TACC3: variants seen among roughly 807,000 people sequenced by gnomAD.
TACC3 encodes transforming acidic coiled-coil containing protein 3, also known as transforming acidic coiled-coil-containing protein 3.
In TACC3, 52 loss-of-function variants were observed where a neutral mutation model predicts 86.0. The ratio of observed to expected loss-of-function variants is 0.60; its 90% CI spans 0.48 to 0.76. The LOEUF (loss-of-function observed/expected upper bound fraction) is 0.76, where lower values mean the gene tolerates loss of function less well. Ranked by LOEUF, TACC3 falls within the 30% of genes least tolerant of loss-of-function variation. TACC3 has a pLI of 0.00. For missense variants in TACC3, 1,120 were observed against 1,070.4 expected (o/e 1.05, Z -0.65); for synonymous variants, 512 against 430.0 (o/e 1.19, Z -2.36).
Position 1,723,592 on chromosome 4 carries a change from G to A in TACC3, c.162+9G>A. 1 of 1,611,734 alleles carries A rather than the reference G, an allele frequency of 6.2e-7. No individual in the cohort carries two copies. The highest frequency in any genetic ancestry group is 1.7e-4 in the Middle Eastern group (1 of 6,056). ...TGGCCAAAGCTATGAAGGTAAGTGT[G>A]ACCTGTACAGTGTGTGGCTGGCCAG... On this transcript the variant is annotated intron_variant, in intron 2 of 15. Transcript: ENST00000313288.
chr4:1,731,255 G>A lies in TACC3; in HGVS notation c.1545G>A (p.Gln515=). 3 of 1,613,394 alleles carry A rather than the reference G, an allele frequency of 1.9e-6. No individual in the cohort carries two copies. The highest frequency in any genetic ancestry group is 2.5e-6 in the Non-Finnish European group (3 of 1,180,016). Residue 515 remains glutamine (Q), a synonymous_variant, in exon 6 of 16, where the codon CAG becomes CAA. Coordinates refer to ENST00000313288, the MANE Select transcript of TACC3 (RefSeq NM_006342.3). ...SEPVPTHQQG[Q]PALELKEESF... is the part of the protein sequence containing the mutation. ...CAGTGCCCACCCATCAGCAGGGGCA[G>A]CCTGCCTTGGAGCTGAAAGAGGAGA...
chr4:1,744,852 C>G lies in TACC3; in HGVS notation c.2451+20C>G, dbSNP rs1166252609. 6.2e-7 allele frequency: 1 copy of G among 1,612,810 alleles called. No homozygotes were observed. Among genetic ancestry groups the G allele is most frequent in the African/African-American group, 1.3e-5 (1 of 74,944 alleles). ...CAGAAGGTGGGTGCGGGAAGCCCAG[C>G]TCAAGGGGCCGTCTGGCAGCACCTT... is the stretch of plus-strand genomic sequence containing the variant. On this transcript the variant is annotated intron_variant, in intron 15 of 15. Coordinates refer to ENST00000313288, the MANE Select transcript of TACC3 (RefSeq NM_006342.3).
chr4:1,720,751 C>T (rs757852590), upstream of TACC3: 3 of 1,582,564 alleles, frequency 1.9e-6, no homozygotes, highest in Non-Finnish European at 1.7e-6. The surrounding 1 kb of genome is among the most constrained non-coding windows in gnomAD (Gnocchi z 4.4). Context: ...CCGTGAGCCC[C>T]GCCGCGTGGA....
chr4:1,744,689 C>T, intron 14 of TACC3, 23 bp from the exon 15 acceptor site: 1 of 1,612,250 alleles, frequency 6.2e-7, no homozygotes, highest in African/African-American at 1.3e-5. Flanking sequence ...AGCTCAGCCT[C>T]TGCCCCGCCC....
chr4:1,729,222 G>A (rs545826594), intron 4 of TACC3, among the ~76,000 whole-genome samples: 3 of 152,262 alleles, frequency 2.0e-5, no homozygotes, highest in Admixed American at 2.0e-4. Context: ...AATGGTCTTA[G>A]GCTACATCTC....
At chr4:1,743,044 A>G (rs1312522231) in intron 13 of TACC3, among the ~76,000 whole-genome samples, 1 of 151,936 alleles carries the variant, frequency 6.6e-6, no homozygotes, top group Admixed American at 6.6e-5. Context: ...CGGGAGGATC[A>G]TGAGGTCAGG....
chr4:1,743,681 T>C (rs1363839806), intron 13 of TACC3, among the ~76,000 whole-genome samples: 1 of 152,200 alleles, frequency 6.6e-6, no homozygotes, highest in Non-Finnish European at 1.5e-5. Context: ...AACCAGTGTG[T>C]GGACGGCAGC....
In TACC3 at chr4:1,744,561, G is replaced by A. The variant is rs1461992702; in HGVS notation, c.2267G>A (p.Arg756Lys). The A allele has an allele frequency of 6.2e-7, 1 of 1,613,246 alleles. No individual in the cohort carries two copies. The highest frequency in any genetic ancestry group is 1.7e-5 in the Admixed American group (1 of 60,024). The change falls in exon 14 of 16, where the codon AGG (arginine) becomes AAG (lysine). Residue 756 changes from arginine (R) to lysine (K), a missense_variant. Coordinates refer to ENST00000313288, the MANE Select transcript of TACC3 (RefSeq NM_006342.3). ...AAGTGCGTGGAGGATTACCTGGCAAGGATCACCCAGGAGGGCCAGAGGTAC... is the reference window on the plus strand; with the variant it reads ...AAGTGCGTGGAGGATTACCTGGCAAAGATCACCCAGGAGGGCCAGAGGTAC... ...LKKCVEDYLA[R>K]ITQEGQRYQA...
chr4:1,737,281 G>A lies in TACC3; in HGVS notation c.1789G>A (p.Glu597Lys), dbSNP rs147314792. The stretch of plus-strand genomic sequence containing the variant: ...TGAGACTCCCTCAGGACGTCCGCGG[G>A]AAGCCAAGCTTGTGGAGTTCGATTT... ...ANETPSGRPR[E>K]AKLVEFDFLG... The change falls in exon 9 of 16, where the codon GAA becomes AAA. Residue 597 changes from glutamate to lysine, a missense_variant. Physicochemically the swap from Glu to Lys is moderately conservative, Grantham distance 56. Transcript: ENST00000313288. 644 of 1,614,194 alleles carry A rather than the reference G, an allele frequency of 4.0e-4. 3 individuals are homozygous for A. In the African/African-American group the frequency reaches 7.6e-3, roughly 19 times the overall value.
intron 6 of TACC3, among the ~76,000 whole-genome samples, chr4:1,734,810 A>C (rs1718174254): frequency 6.6e-6 from 1 of 152,080 alleles, no homozygotes; most frequent in Non-Finnish European, 1.5e-5. Context: ...ATAGGAGTGC[A>C]GCACCGCGCC....
intron 13 of TACC3, among the ~76,000 whole-genome samples, chr4:1,743,845 G>A (rs1292569300): frequency 4.6e-5 from 7 of 152,190 alleles, no homozygotes; most frequent in African/African-American, 1.4e-4. Context: ...CGTGACCTCC[G>A]CAGGACATCA....
At chr4:1,732,067 C>T (rs1392781347) in intron 6 of TACC3, among the ~76,000 whole-genome samples, 3 of 150,644 alleles carry the variant, frequency 2.0e-5, no homozygotes, top group Non-Finnish European at 3.0e-5. Context: ...CACTTGAATA[C>T]GGTTTGTCTG....
At chr4:1,740,483 C>T (rs1196683825) in intron 12 of TACC3, 2 of 309,016 alleles carry the variant, frequency 6.5e-6, no homozygotes. Flanking sequence ...CCCTTGCAGT[C>T]CCTCCAGGAC....
chr4:1,732,300 G>A (rs368568948), intron 6 of TACC3, among the ~76,000 whole-genome samples: 46 of 135,390 alleles, frequency 3.4e-4, no homozygotes, highest in Admixed American at 6.0e-4. Context: ...AAATAAATAC[G>A]GTTTGTCCGT....
chr4:1,733,418 G>A (rs1718098806), intron 6 of TACC3, among the ~76,000 whole-genome samples: 1 of 152,116 alleles, frequency 6.6e-6, no homozygotes, highest in East Asian at 1.9e-4. Flanking sequence ...CATTTTGCGG[G>A]GCCGAGGCAG....
rs1717982495 is a variant in TACC3 at position 1,731,035 on chromosome 4, C to A, written c.1461+73C>A. 4 of 1,601,714 alleles carry A rather than the reference C, an allele frequency of 2.5e-6. No homozygotes were observed. In the Admixed American group the frequency reaches 6.7e-5, roughly 27 times the overall value. On this transcript the variant is annotated intron_variant, in intron 5 of 15. Coordinates refer to ENST00000313288, the MANE Select transcript of TACC3 (RefSeq NM_006342.3). ...GAAGAGTAGCAGGCAGTGGAAGCCC[C>A]CAGCAGCCTTGGGTGACGGGGTGGG...
chr4:1,730,215 AT>A (rs1264772406), intron 4 of TACC3, among the ~76,000 whole-genome samples: 1 of 151,712 alleles, frequency 6.6e-6, no homozygotes, highest in Non-Finnish European at 1.5e-5. Flanking sequence ...ATTTTTTTGT[AT>A]TTTTTAGTAG....
chr4:1,744,102 C>T (rs1474348224), intron 13 of TACC3, among the ~76,000 whole-genome samples: 2 of 152,106 alleles, frequency 1.3e-5, no homozygotes, highest in Non-Finnish European at 1.5e-5. Flanking sequence ...CTGTGAGGAG[C>T]AGGCGTGTCT....
intron 3 of TACC3, among the ~76,000 whole-genome samples, chr4:1,726,857 G>A (rs141386784): frequency 2.2e-3 from 334 of 152,248 alleles, no homozygotes; most frequent in South Asian, 4.8e-3. Context: ...TGCCGGGTGC[G>A]GTGGCTCCTG....
Sources: allele counts gnomAD v4.1 joint callset (sites outside exome capture counted in the v4.1 genomes callset), GRCh38; gene constraint gnomAD v4.1.1; non-coding constraint Gnocchi (gnomAD v3.1); transcripts MANE v1.5; gene names NCBI Gene and HGNC (gene_info 2026-07-23, HGNC 2026-07-21).